HSD17B12: variants seen among roughly 807,000 people sequenced by gnomAD.
The protein encoded by HSD17B12 is very-long-chain 3-oxoacyl-CoA reductase.
HSD17B12 carries 32 observed loss-of-function variants against 39.3 expected under a neutral mutation model. The observed-to-expected ratio is 0.81, with a 90% CI of 0.61 to 1.09. The LOEUF is 1.09. HSD17B12 is among the 50% of genes least tolerant of loss of function. HSD17B12 has a pLI of 0.00. For missense variants in HSD17B12, 342 were observed against 382.9 expected (o/e 0.89, Z 0.89); for synonymous variants, 150 against 146.7 (o/e 1.02, Z -0.16).
At chr11:43,681,832 C>A (rs187215091) in intron 1 of HSD17B12, among the ~76,000 whole-genome samples, 4 of 143,148 alleles carry the variant, frequency 2.8e-5, no homozygotes, top group Admixed American at 6.8e-5. Context: ...GCTCCCCCCC[C>A]CCTTTTTTTT....
chr11:43,680,864 T>G lies in HSD17B12; in HGVS notation c.37T>G (p.Trp13Gly), dbSNP rs574146134. The change falls in exon 1 of 11, where the codon TGG becomes GGG. Residue 13 changes from tryptophan to glycine, a missense_variant. Trp to Gly is a radical substitution (Grantham distance 184). Transcript: ENST00000278353. The stretch of plus-strand genomic sequence containing the variant: ...TCTCCCCGCCGCCGGCTTCCTGTAC[T>G]GGGTCGGCGCGGGCACCGTGGCCTA... ...SALPAAGFLYWVGAGTVAYLA... is the reference protein window; with the variant it reads ...SALPAAGFLYGVGAGTVAYLA... The G allele has an allele frequency of 6.2e-6, 10 of 1,614,094 alleles. No homozygotes were observed. The South Asian group carries it at 7.7e-5, about 12-fold the overall frequency.
At chr11:43,811,831 A>T (rs1270113926) in intron 4 of HSD17B12, among the ~76,000 whole-genome samples, 1 of 151,968 alleles carries the variant, frequency 6.6e-6, no homozygotes, top group Non-Finnish European at 1.5e-5. Flanking sequence ...CTATCTAACT[A>T]TATGTACCCA....
At chr11:43,714,256 G>A (rs1416267918) in intron 1 of HSD17B12, among the ~76,000 whole-genome samples, 6 of 152,140 alleles carry the variant, frequency 3.9e-5, no homozygotes, top group Admixed American at 3.3e-4. Context: ...TATAGTTTTA[G>A]GTCTAACATT....
chr11:43,643,920 T>C, the HSD17B12 span, among the ~76,000 whole-genome samples: 1 of 152,238 alleles, frequency 6.6e-6, no homozygotes, highest in African/African-American at 2.4e-5. Context: ...CCTTTTCAAA[T>C]GGGAAGCATT....
At chr11:43,723,348 T>C (rs1006795499) in intron 1 of HSD17B12, among the ~76,000 whole-genome samples, 1 of 152,204 alleles carries the variant, frequency 6.6e-6, no homozygotes, top group African/African-American at 2.4e-5. Flanking sequence ...ATAATAGCGT[T>C]TTCACCCCTT....
the HSD17B12 span, chr11:43,557,035 G>A: frequency 1.3e-5 from 2 of 152,136 alleles, no homozygotes; most frequent in African/African-American, 4.8e-5. Context: ...ATGTTTGGAG[G>A]AGTAGATTTG....
the HSD17B12 span, among the ~76,000 whole-genome samples, chr11:43,602,685 G>C: frequency 7.2e-5 from 11 of 152,174 alleles, no homozygotes; most frequent in South Asian, 2.1e-3. Context: ...AAGGGCAATA[G>C]GCGAGGCCTG....
At chr11:43,787,616 A>T (rs1416668498) in intron 3 of HSD17B12, among the ~76,000 whole-genome samples, 2 of 152,018 alleles carry the variant, frequency 1.3e-5, no homozygotes, top group Non-Finnish European at 2.9e-5. Context: ...AGGCGCCTGT[A>T]ATCCCAGCTT....
At chr11:43,656,678 C>T in the HSD17B12 span, among the ~76,000 whole-genome samples, 1 of 152,170 alleles carries the variant, frequency 6.6e-6, no homozygotes, top group African/African-American at 2.4e-5. Flanking sequence ...CATTCAGGAG[C>T]AGGGTGTTCA....
At chr11:43,837,589 T>C (rs1279302630) in intron 7 of HSD17B12, among the ~76,000 whole-genome samples, 4 of 152,198 alleles carry the variant, frequency 2.6e-5, no homozygotes, top group African/African-American at 4.8e-5. Flanking sequence ...AAACTTTCAG[T>C]AGTCTCTAAA....
chr11:43,717,867 C>G (rs1401729400), intron 1 of HSD17B12, among the ~76,000 whole-genome samples: 1 of 150,458 alleles, frequency 6.6e-6, no homozygotes, highest in Admixed American at 6.7e-5. Context: ...TGCAGTGGCA[C>G]CATCTTGGCT....
At chr11:43,626,150 G>T in the HSD17B12 span, among the ~76,000 whole-genome samples, 1 of 151,098 alleles carries the variant, frequency 6.6e-6, no homozygotes, top group African/African-American at 2.4e-5. Context: ...TATTATATCT[G>T]CTTGTAAGAC....
At chr11:43,812,021 T>G (rs1219990872) in intron 4 of HSD17B12, among the ~76,000 whole-genome samples, 1 of 152,210 alleles carries the variant, frequency 6.6e-6, no homozygotes, top group Non-Finnish European at 1.5e-5. Context: ...GACCTCCAGT[T>G]CCATCCATGT....
chr11:43,848,235 T>C (rs975114460), intron 9 of HSD17B12, among the ~76,000 whole-genome samples: 1 of 152,202 alleles, frequency 6.6e-6, no homozygotes, highest in African/African-American at 2.4e-5. Flanking sequence ...GGCTTAAGAA[T>C]AGTAAAATTA....
intron 1 of HSD17B12, chr11:43,733,630 C>A (rs1416498974): frequency 5.0e-6 from 2 of 399,604 alleles, no homozygotes; most frequent in Non-Finnish European, 9.5e-6. Flanking sequence ...ATAGCAATTT[C>A]TGTCCCTTTC....
chr11:43,690,390 A>ATTTTTTTT (rs1196143107), intron 1 of HSD17B12, among the ~76,000 whole-genome samples: 2 of 14,588 alleles, frequency 1.4e-4, no homozygotes, highest in Non-Finnish European at 2.2e-4. Context: ...ATATATATAT[A>ATTTTTTTT]TATATATATA....
chr11:43,596,333 A>G, the HSD17B12 span, among the ~76,000 whole-genome samples: 1 of 152,136 alleles, frequency 6.6e-6, no homozygotes, highest in Non-Finnish European at 1.5e-5. Context: ...AGAGATGGGT[A>G]TTGAGTTCCT....
the HSD17B12 span, among the ~76,000 whole-genome samples, chr11:43,565,485 A>T: frequency 6.6e-6 from 1 of 152,188 alleles, no homozygotes; most frequent in Non-Finnish European, 1.5e-5. Context: ...CCTTAACCAG[A>T]GGTAGGTGAA....
At chr11:43,624,323 C>A in the HSD17B12 span, among the ~76,000 whole-genome samples, 2 of 151,814 alleles carry the variant, frequency 1.3e-5, no homozygotes, top group African/African-American at 4.8e-5. Flanking sequence ...GATATGCAAA[C>A]GTTACATTAG....
Sources: gnomAD v4.1 joint callset for allele counts (sites outside exome capture counted in the v4.1 genomes callset) on GRCh38, gnomAD v4.1.1 for gene constraint, MANE v1.5 for transcripts, NCBI Gene and HGNC (gene_info 2026-07-23, HGNC 2026-07-21) for gene names.